DACT2: variants seen among roughly 807,000 people sequenced by gnomAD.
DACT2 encodes the protein dapper homolog 2.
A neutral mutation model predicts 22.2 loss-of-function variants in DACT2; 20 were observed. That is an observed-to-expected ratio of 0.90 (90% CI 0.63 to 1.31). The LOEUF is 1.31. Ranked by LOEUF, DACT2 falls within the 50% of genes most tolerant of loss-of-function variation. DACT2 has a pLI of 0.00. For missense variants in DACT2, 1,048 were observed against 1,061.4 expected (o/e 0.99, Z 0.18); for synonymous variants, 463 against 479.8 (o/e 0.96, Z 0.46).
At chr6:168,319,118 G>A (rs1779582471) in intron 1 of DACT2, among the ~76,000 whole-genome samples, 1 of 152,162 alleles carries the variant, frequency 6.6e-6, no homozygotes, top group Admixed American at 6.5e-5. Flanking sequence ...TGCTGGCGTG[G>A]GTAGGCGCAC....
At position 168,319,282 on chromosome 6, in the gene DACT2, C is replaced by G. The variant is rs543969017; in HGVS notation, c.246+106G>C. On this transcript the variant is annotated intron_variant, in intron 1 of 3. Coordinates refer to ENST00000366795, the MANE Select transcript of DACT2 (RefSeq NM_214462.5). ...ATTCAAATCCCAAAGGACGTCCCCT[C>G]CATCCATCAGACACCCCCGTCCCAC... 4.9e-6 allele frequency: 5 copies of G among 1,016,076 alleles called. No homozygotes were observed. The South Asian group carries it at 2.5e-4, about 50-fold the overall frequency. The allele number at this position is 1,016,076 out of a possible 1,614,324, so 62.9% of individuals were successfully genotyped here.
At chr6:168,315,523 A>G (rs9455624) in intron 1 of DACT2, among the ~76,000 whole-genome samples, 38,371 of 152,110 alleles carry the variant, frequency 0.25, 6,816 homozygotes, top group African/African-American at 0.5. Context: ...GGAGATCCCA[A>G]CTTCTGAAAT....
intron 3 of DACT2, among the ~76,000 whole-genome samples, chr6:168,301,295 A>G (rs913032962): frequency 2.0e-5 from 3 of 152,156 alleles, no homozygotes; most frequent in African/African-American, 7.2e-5. Flanking sequence ...GGGTCTTTCT[A>G]AAACACAAAT....
Position 168,307,472 on chromosome 6 carries a change from C to G in DACT2, c.2285G>C (p.Arg762Thr). The part of the protein sequence containing the change: ...ASKALKKKIR[R>T]FQPTALKVMT... ...GACCTTCAGGGCCGTCGGCTGGAACCTGCGGATCTTCTTCTTCAGGGCCTT... is the reference window on the plus strand; with the variant it reads ...GACCTTCAGGGCCGTCGGCTGGAACGTGCGGATCTTCTTCTTCAGGGCCTT... The change falls in exon 4 of 4, where the codon AGG (arginine) becomes ACG (threonine). Residue 762 changes from arginine (R) to threonine (T), a missense_variant. Physicochemically the swap from Arg to Thr is moderately conservative, Grantham distance 71. Transcript: ENST00000366795. This position sits in a 1 kb window ranked among gnomAD's most constrained non-coding sequence, Gnocchi z 5.3. 1 of 1,551,702 alleles carries G rather than the reference C, an allele frequency of 6.4e-7. No homozygotes were observed. Among genetic ancestry groups the G allele is most frequent in the Non-Finnish European group, 8.7e-7 (1 of 1,146,996 alleles).
intron 3 of DACT2, among the ~76,000 whole-genome samples, chr6:168,297,902 C>T (rs532039699): frequency 2.9e-4 from 44 of 152,292 alleles, no homozygotes; most frequent in African/African-American, 9.4e-4. Context: ...CGGCGCAGCC[C>T]GGGTGGGTCC....
rs531209293 is a variant in DACT2, at chr6:168,315,592, A to C, written c.246+3796T>G. 1.4e-3 allele frequency among the ~76,000 whole-genome samples: 217 copies of C among 152,294 alleles called. 1 individual carries two copies. Among genetic ancestry groups the C allele is most frequent in the Non-Finnish European group, 1.7e-3 (117 of 68,026 alleles). On this transcript the variant is annotated intron_variant, in intron 1 of 3. Coordinates refer to ENST00000366795, the MANE Select transcript of DACT2 (RefSeq NM_214462.5). The stretch of plus-strand genomic sequence containing the variant: ...TCATCTATTTATTCAGCAAAATCCT[A>C]CTAAGCACCCTCTACTGCACTCTCT...
downstream of DACT2, among the ~76,000 whole-genome samples, chr6:168,304,349 G>A (rs1779162229): frequency 6.6e-6 from 1 of 152,188 alleles, no homozygotes; most frequent in African/African-American, 2.4e-5. Flanking sequence ...CGCCTGCCTG[G>A]GCCACCTGGC....
rs1213039269 is a variant in DACT2 at position 168,308,405 on chromosome 6, G to A, written c.1352C>T (p.Ser451Leu). The A allele has an allele frequency of 3.2e-6, 5 of 1,551,814 alleles. No homozygotes were observed. Among genetic ancestry groups the A allele is most frequent in the Non-Finnish European group, 3.5e-6 (4 of 1,147,002 alleles). The stretch of plus-strand genomic sequence containing the variant: ...GTTGCCTCGTCCATAGTCCTGAGCT[G>A]AGGGTGTCTGCTGGGCCTTTGAGCT... Reference protein sequence around the residue: ...SPSSKAQQTPSAQDYGRGNII... With the variant: ...SPSSKAQQTPLAQDYGRGNII... The change falls in exon 4 of 4, where the codon TCA becomes TTA. Residue 451 changes from serine to leucine, a missense_variant. Transcript: ENST00000366795.
At chr6:168,318,455 G>A (rs1779566626) in intron 1 of DACT2, among the ~76,000 whole-genome samples, 1 of 152,184 alleles carries the variant, frequency 6.6e-6, no homozygotes, top group South Asian at 2.1e-4. Context: ...AGCTTCACCT[G>A]GGCAACATTT....
At chr6:168,312,590 ATGTGTGTGTGTGTACATGTGTGCG>A (rs1480349600) in intron 1 of DACT2, among the ~76,000 whole-genome samples, 1 of 151,954 alleles carries the variant, frequency 6.6e-6, no homozygotes, top group Non-Finnish European at 1.5e-5. Context: ...TATAATGAGC[ATGTGTGTGTGTGTACATGTGTGCG>A]TGTGTGTGCG....
In DACT2 at chr6:168,319,493, C is replaced by A; in HGVS notation, c.141G>T (p.Leu47=). ...CGGGCGCGGGCGGGGGCTGCAGGGC[C>A]AGGGCGCCCCGTACCCGCTCCTGCT... ...ATQQERVRGA[L]ALQPPPAPAA... Residue 47 remains leucine, a synonymous_variant, in exon 1 of 4, where the codon CTG becomes CTT. Transcript: ENST00000366795. The A allele has an allele frequency of 7.9e-7, 1 of 1,262,360 alleles. No individual in the cohort carries two copies. The highest frequency in any genetic ancestry group is 2.6e-5 in the South Asian group (1 of 38,304). The allele number at this position is 1,262,360 out of a possible 1,614,324, so 78.2% of individuals were successfully genotyped here.
intron 3 of DACT2, chr6:168,300,154 C>T (rs1056348604): frequency 6.6e-6 from 1 of 152,444 alleles, no homozygotes; most frequent in Non-Finnish European, 1.5e-5. Context: ...GCTCTATTGC[C>T]TTTTCCTGAA....
chr6:168,297,516 A>G (rs1779028610), intron 3 of DACT2, among the ~76,000 whole-genome samples: 1 of 152,186 alleles, frequency 6.6e-6, no homozygotes, highest in Non-Finnish European at 1.5e-5. Flanking sequence ...AGGCAAAGAA[A>G]CAGCTTCTTC....
chr6:168,304,887 G>A (rs1349790568), downstream of DACT2, among the ~76,000 whole-genome samples: 2 of 152,214 alleles, frequency 1.3e-5, no homozygotes, highest in Admixed American at 1.3e-4. Context: ...AGACGGGGCA[G>A]GAGGGCTAGG....
chr6:168,311,548 A>C (rs908333355), intron 1 of DACT2, among the ~76,000 whole-genome samples: 3 of 79,564 alleles, frequency 3.8e-5, no homozygotes, highest in African/African-American at 6.9e-5. Context: ...ATCCACACAC[A>C]CATACACACA....
At chr6:168,310,547 C>T (rs1017972639) in intron 2 of DACT2, 101 bp from the exon 3 acceptor site, 19 of 1,452,590 alleles carry the variant, frequency 1.3e-5, no homozygotes, top group Admixed American at 2.8e-5. Context: ...CCCAGGGGAA[C>T]CCCTGAGCTG....
At chr6:168,311,657 CCCATACACACAT>C (rs1779422723) in intron 1 of DACT2, among the ~76,000 whole-genome samples, 1 of 149,240 alleles carries the variant, frequency 6.7e-6, no homozygotes, top group African/African-American at 2.5e-5. Context: ...CACACACACA[CCCATACACACAT>C]ATACACACAC....
At chr6:168,313,882 T>A (rs1403180854) in intron 1 of DACT2, among the ~76,000 whole-genome samples, 1 of 152,132 alleles carries the variant, frequency 6.6e-6, no homozygotes, top group Admixed American at 6.5e-5. Flanking sequence ...GGTTTCTGAT[T>A]AATGGTCGAG....
intron 1 of DACT2, among the ~76,000 whole-genome samples, chr6:168,311,665 C>CACATAT (rs1379088563): frequency 6.6e-6 from 1 of 151,522 alleles, no homozygotes; most frequent in Non-Finnish European, 1.5e-5. Context: ...CACCCATACA[C>CACATAT]ACATATACAC....
Sources: allele counts gnomAD v4.1 joint callset (sites outside exome capture counted in the v4.1 genomes callset), GRCh38; gene constraint gnomAD v4.1.1; non-coding constraint Gnocchi (gnomAD v3.1); transcripts MANE v1.5; gene names NCBI Gene and HGNC (gene_info 2026-07-23, HGNC 2026-07-21).